ICE1: variants seen among roughly 807,000 people sequenced by gnomAD.
The protein encoded by ICE1 is interactor of little elongation complex ELL subunit 1.
In ICE1, 64 loss-of-function variants were observed where a neutral mutation model predicts 192.7. The observed-to-expected ratio is 0.33, with a 90% CI of 0.27 to 0.41. ICE1 has a LOEUF of 0.41. Among genes scored for constraint, ICE1 ranks in the 10% least tolerant of loss-of-function variants. ICE1 has a pLI of 1.00. For missense variants in ICE1, 2,708 were observed against 2,696.0 expected (o/e 1.00, Z -0.10); for synonymous variants, 1,010 against 984.5 (o/e 1.03, Z -0.49).
rs754533666 is a variant in ICE1, at chr5:5,489,325, G to A, written c.6796G>A (p.Gly2266Ser). 6.2e-7 allele frequency: 1 copy of A among 1,605,512 alleles called. No homozygotes were observed. The highest frequency in any genetic ancestry group is 2.2e-5 in the East Asian group (1 of 44,736). Residue 2266 changes from glycine to serine, a missense_variant, in exon 19 of 19, where the codon GGC becomes AGC. Gly to Ser is a moderately conservative substitution (Grantham distance 56, BLOSUM62 0). Transcript: ENST00000296564. ...CAGTGCCCTGAGCACAGAGGAGCTT[G>A]GCTGACCTGGGATGCCACTGAGGCT... The part of the protein sequence containing the change: ...EVSALSTEEL[G>S]
intron 10 of ICE1, among the ~76,000 whole-genome samples, chr5:5,454,055 C>T (rs901747769): frequency 6.6e-6 from 1 of 152,144 alleles, no homozygotes; most frequent in Non-Finnish European, 1.5e-5. Flanking sequence ...CCCTGAACTC[C>T]CCAGGTTAAT....
At chr5:5,434,153 A>G (rs1482356048) in intron 1 of ICE1, among the ~76,000 whole-genome samples, 1 of 152,226 alleles carries the variant, frequency 6.6e-6, no homozygotes, top group East Asian at 1.9e-4. Context: ...ATACCTATAC[A>G]TGAAAATCTT....
rs777910728 is a variant in ICE1 at position 5,462,710 on chromosome 5, C to T, written c.3376C>T (p.Pro1126Ser). The change falls in exon 13 of 19, where the codon CCT becomes TCT. Residue 1126 changes from proline (P) to serine (S), a missense_variant. By Grantham distance (74) the Pro-to-Ser change is moderately conservative (BLOSUM62 -1). This residue lies in a region of ICE1 where 2,366 missense variants were observed against 2,276.6 expected (regional missense o/e 1.04). Transcript: ENST00000296564. ...TGAGGGGAGCGAACAGCAAGATGCTCCTGATGACTCACAGAAAAATTTAGG... is the reference window on the plus strand; with the variant it reads ...TGAGGGGAGCGAACAGCAAGATGCTTCTGATGACTCACAGAAAAATTTAGG... ...CSEGSEQQDA[P>S]DDSQKNLGDT... The T allele has an allele frequency of 3.7e-6, 6 of 1,613,674 alleles. No homozygotes were observed. The Admixed American group carries it at 8.3e-5, about 22-fold the overall frequency.
chr5:5,441,109 TAGAG>T lies in ICE1; in HGVS notation c.199_202del (p.Glu67IlefsTer28). On this transcript the variant is annotated splice_acceptor_variant and coding_sequence_variant, in exon 5 of 19. Transcript: ENST00000296564. LOFTEE classifies it high-confidence loss of function. ...TGTAATAATGTTAATTCATTGTCTT[TAGAG>T]AGAATAGTAATCTGCATCACCAAGT... 6.7e-7 allele frequency: 1 copy of T among 1,499,736 alleles called. No homozygotes were observed. 92.9% of individuals were successfully genotyped at this position (1,499,736 alleles called of 1,614,324 possible). A position where few individuals can be genotyped will look rare whatever the true frequency, so the allele number is the denominator to read the frequency against.
intron 6 of ICE1, 91 bp from the exon 7 acceptor site, chr5:5,444,197 TG>T: frequency 1.3e-6 from 1 of 773,968 alleles, no homozygotes; most frequent in Non-Finnish European, 2.2e-6. Flanking sequence ...TACAAATATT[TG>T]TAATTTAAAA....
chr5:5,439,805 C>G, intron 3 of ICE1, 90 bp from the exon 4 acceptor site: 1 of 853,796 alleles, frequency 1.2e-6, no homozygotes, highest in Non-Finnish European at 1.8e-6. Context: ...ATGTTGAACA[C>G]AAATTATTAA....
intron 6 of ICE1, among the ~76,000 whole-genome samples, chr5:5,443,590 G>A (rs1198246501): frequency 6.6e-6 from 1 of 152,170 alleles, no homozygotes; most frequent in Non-Finnish European, 1.5e-5. Flanking sequence ...AATGCATTAT[G>A]TACTCATTCA....
At chr5:5,423,048 C>G (rs1442961975) in intron 1 of ICE1, 49 bp downstream of exon 1, 45 of 1,261,422 alleles carry the variant, frequency 3.6e-5, no homozygotes, top group African/African-American at 6.3e-5. Context: ...TCGGCTCGGC[C>G]GGCCGGGAGC....
chr5:5,475,950 C>G (rs1432627877), intron 16 of ICE1, 23 bp from the exon 17 acceptor site: 1 of 1,401,532 alleles, frequency 7.1e-7, no homozygotes, highest in Non-Finnish European at 1.0e-6. Flanking sequence ...GAGCATACAT[C>G]TTTTCATGTT....
chr5:5,443,206 T>C lies in ICE1; in HGVS notation c.348T>C (p.Tyr116=), dbSNP rs1738101644. Reference sequence around the variant, plus strand: ...TGTATCAGGATACTCATCAGGAATATGCTCGTGTAAAGGAAGAATGCTTGA... The same window carrying C: ...TGTATCAGGATACTCATCAGGAATACGCTCGTGTAAAGGAAGAATGCTTGA... The part of the protein sequence containing the change: ...LKLYQDTHQE[Y]ARVKEECLKS... Residue 116 remains tyrosine, a synonymous_variant, in exon 6 of 19, where the codon TAT becomes TAC. Transcript: ENST00000296564. The C allele has an allele frequency of 1.3e-6, 2 of 1,516,762 alleles. No homozygotes were observed. Among genetic ancestry groups the C allele is most frequent in the Non-Finnish European group, 1.8e-6 (2 of 1,129,014 alleles). 94.0% of individuals were successfully genotyped at this position (1,516,762 alleles called of 1,614,324 possible).
chr5:5,487,096 C>G (rs1739656595), intron 18 of ICE1, among the ~76,000 whole-genome samples: 1 of 152,184 alleles, frequency 6.6e-6, no homozygotes, highest in Non-Finnish European at 1.5e-5. Context: ...CATTCTGCCT[C>G]TAAAACTCTG....
chr5:5,486,138 G>A (rs191744236), intron 17 of ICE1, among the ~76,000 whole-genome samples: 89 of 152,322 alleles, frequency 5.8e-4, no homozygotes, highest in Non-Finnish European at 1.1e-3. Flanking sequence ...AGGGGTCCAG[G>A]TTTAGTGAGA....
chr5:5,449,687 G>T (rs1738356636), intron 10 of ICE1, among the ~76,000 whole-genome samples: 1 of 152,198 alleles, frequency 6.6e-6, no homozygotes. Context: ...TTAGCATTTT[G>T]CCAGGTAATT....
At chr5:5,423,075 C>T (rs935906630) in intron 1 of ICE1, 76 bp downstream of exon 1, 46 of 990,958 alleles carry the variant, frequency 4.6e-5, no homozygotes, top group Non-Finnish European at 5.8e-5. Context: ...ATGTGGGGTC[C>T]GGCCGCGCGG....
Position 5,465,130 on chromosome 5 carries a change from C to A in ICE1, c.5796C>A (p.Val1932=). Residue 1932 remains valine, a synonymous_variant, in exon 13 of 19, where the codon GTC becomes GTA. Transcript: ENST00000296564. ...IAEFSFDLLP[V]IRSHVYVGNI... is the part of the protein sequence containing the mutation. ...AGTTTTCTTTTGATCTGTTACCTGTCATTCGTAGTCATGTGTATGTGGGAA... is the reference window on the plus strand; with the variant it reads ...AGTTTTCTTTTGATCTGTTACCTGTAATTCGTAGTCATGTGTATGTGGGAA... 6.2e-7 allele frequency: 1 copy of A among 1,611,250 alleles called. No individual in the cohort carries two copies. The highest frequency in any genetic ancestry group is 8.5e-7 in the Non-Finnish European group (1 of 1,178,594).
At chr5:5,434,933 ATT>A (rs1163919625) in intron 1 of ICE1, among the ~76,000 whole-genome samples, 1 of 152,214 alleles carries the variant, frequency 6.6e-6, no homozygotes, top group African/African-American at 2.4e-5. Context: ...ACTATTCCAA[ATT>A]CTTAATCTGT....
At chr5:5,460,308 G>C in intron 12 of ICE1, 128 bp from the exon 13 acceptor site, 1 of 689,618 alleles carries the variant, frequency 1.5e-6, no homozygotes, top group East Asian at 2.7e-5. Context: ...TTCCTAGCCT[G>C]CCCCTGCTCA....
At chr5:5,481,121 GA>G (rs1449253117) in intron 17 of ICE1, among the ~76,000 whole-genome samples, 1 of 151,902 alleles carries the variant, frequency 6.6e-6, no homozygotes, top group Non-Finnish European at 1.5e-5. Flanking sequence ...ATGAATTCAG[GA>G]AAAAATGCTC....
chr5:5,462,179 T>A lies in ICE1; in HGVS notation c.2845T>A (p.Ser949Thr). The A allele has an allele frequency of 6.2e-7, 1 of 1,612,746 alleles. No homozygotes were observed. The highest frequency in any genetic ancestry group is 8.5e-7 in the Non-Finnish European group (1 of 1,179,118). Residue 949 changes from serine (S) to threonine (T), a missense_variant, in exon 13 of 19, where the codon TCT (serine) becomes ACT (threonine). Ser to Thr is a moderately conservative substitution (Grantham distance 58). This residue lies in a region of ICE1 where 2,366 missense variants were observed against 2,276.6 expected (regional missense o/e 1.04). Transcript: ENST00000296564. ...SPGGSSPVEN[S>T]DCSTNSRLSF... ...AGGTGGTTCTTCACCAGTAGAAAAT[T>A]CTGATTGTTCCACAAATAGCAGATT...
Sources: gnomAD v4.1 joint callset for allele counts (sites outside exome capture counted in the v4.1 genomes callset) on GRCh38, gnomAD v4.1.1 for gene constraint, gnomAD v4.1.1 regional missense constraint, MANE v1.5 for transcripts, NCBI Gene and HGNC (gene_info 2026-07-23, HGNC 2026-07-21) for gene names.